ROCK1: variants seen among roughly 807,000 people sequenced by gnomAD.
The protein encoded by ROCK1 is Rho associated coiled-coil containing protein kinase 1.
ROCK1 carries 36 observed loss-of-function variants against 196.8 expected under a neutral mutation model. The observed-to-expected ratio is 0.18, with a 90% CI of 0.14 to 0.24. The LOEUF is 0.24. Ranked by LOEUF, ROCK1 falls within the 10% of genes least tolerant of loss-of-function variation. ROCK1 has a pLI of 1.00. For synonymous variants in ROCK1, 443 were observed against 515.9 expected, an observed-to-expected ratio of 0.86 and a Z score of 1.91; for missense variants, 920 against 1,562.0, an observed-to-expected ratio of 0.59 and a Z score of 6.93.
intron 9 of ROCK1, 85 bp from the exon 10 acceptor site, chr18:21,029,020 TTC>T: frequency 7.5e-7 from 1 of 1,328,706 alleles, no homozygotes; most frequent in Non-Finnish European, 1.0e-6. Context: ...TACTGATGGT[TTC>T]TCTCTTATAA....
chr18:21,100,398 CA>C (rs113274981), intron 1 of ROCK1, among the ~76,000 whole-genome samples: 213 of 122,962 alleles, frequency 1.7e-3, no homozygotes, highest in Admixed American at 1.8e-3. Flanking sequence ...CTTACTGCAG[CA>C]AAAAAAAAAA....
chr18:21,098,847 T>C (rs1271231683), intron 1 of ROCK1, among the ~76,000 whole-genome samples: 2 of 152,108 alleles, frequency 1.3e-5, no homozygotes, highest in African/African-American at 2.4e-5. Context: ...AATGTTAGAA[T>C]AGAAAAAATA....
chr18:21,043,598 A>T (rs904098459), intron 6 of ROCK1, among the ~76,000 whole-genome samples: 1 of 144,074 alleles, frequency 6.9e-6, no homozygotes, highest in Non-Finnish European at 1.5e-5. Context: ...ACATATACAT[A>T]ATATGTATAT....
chr18:21,065,254 A>C (rs2036324050), intron 2 of ROCK1, among the ~76,000 whole-genome samples: 1 of 152,196 alleles, frequency 6.6e-6, no homozygotes, highest in South Asian at 2.1e-4. Context: ...AAAGCAACCA[A>C]AAATTTACCA....
At chr18:21,003,465 T>A (rs1335597842) in intron 16 of ROCK1, among the ~76,000 whole-genome samples, 1 of 152,202 alleles carries the variant, frequency 6.6e-6, no homozygotes, top group African/African-American at 2.4e-5. Context: ...AACTGTCACC[T>A]ATTTTCTACC....
chr18:21,028,688 G>A, intron 10 of ROCK1, 88 bp downstream of exon 10: 1 of 1,138,404 alleles, frequency 8.8e-7, no homozygotes, highest in Non-Finnish European at 1.2e-6. Flanking sequence ...TCTTTATATA[G>A]CATTAAATCT....
In ROCK1 at chr18:20,956,164, T is replaced by C. The variant is rs2035239932; in HGVS notation, c.3513-919A>G. On this transcript the variant is annotated intron_variant, in intron 29 of 32. Transcript: ENST00000399799. ...ATTGGTCCCAGGACCCAGGAGGATT[T>C]TGAAGAGAGAGAGTGAAAGAGAAAG... is the stretch of plus-strand genomic sequence containing the variant. Among the ~76,000 whole-genome samples the C allele has an allele frequency of 3.3e-5, 5 of 151,740 alleles. No homozygotes were observed. The South Asian group carries it at 1.0e-3, about 32-fold the overall frequency.
chr18:20,973,202 A>C (rs1157439492), intron 22 of ROCK1, among the ~76,000 whole-genome samples: 1 of 151,696 alleles, frequency 6.6e-6, no homozygotes, highest in South Asian at 2.1e-4. Flanking sequence ...TTTAGAGGAG[A>C]TATCTAAATA....
intron 8 of ROCK1, among the ~76,000 whole-genome samples, chr18:21,040,307 T>C (rs1440855480): frequency 6.6e-6 from 1 of 152,166 alleles, no homozygotes; most frequent in Admixed American, 6.5e-5. Flanking sequence ...AGAAACACAT[T>C]TAAAATTTTG....
intron 22 of ROCK1, among the ~76,000 whole-genome samples, chr18:20,971,232 C>T (rs1305566574): frequency 6.6e-6 from 1 of 151,162 alleles, no homozygotes; most frequent in East Asian, 2.0e-4. Flanking sequence ...TAACTTCCAC[C>T]TCCTATTTTC....
intron 10 of ROCK1, among the ~76,000 whole-genome samples, chr18:21,024,973 T>C (rs1345299335): frequency 6.6e-6 from 1 of 152,252 alleles, no homozygotes; most frequent in Non-Finnish European, 1.5e-5. Flanking sequence ...GCAATGCCAG[T>C]GGCATCTAAA....
In ROCK1 at chr18:20,959,848, C is replaced by T. The variant is rs1250290154; in HGVS notation, c.3504G>A (p.Leu1168=). 1 of 1,592,654 alleles carries T rather than the reference C, an allele frequency of 6.3e-7. No individual in the cohort carries two copies. Among genetic ancestry groups the T allele is most frequent in the Non-Finnish European group, 8.6e-7 (1 of 1,168,224 alleles). The change falls in exon 29 of 33, where the codon TTG becomes TTA. Residue 1168 remains leucine (L), a synonymous_variant. Transcript: ENST00000399799. The part of the protein sequence containing the change: ...DKEQSNPSMV[L]DIDKLFHVRP... The stretch of plus-strand genomic sequence containing the variant: ...AATCAAAGGCAACTTACTCTATGTC[C>T]AATACCATAGATGGATTGGATTGCT...
chr18:21,090,821 A>G (rs2036563321), intron 1 of ROCK1, among the ~76,000 whole-genome samples: 1 of 152,190 alleles, frequency 6.6e-6, no homozygotes, highest in African/African-American at 2.4e-5. Context: ...ACAATGAGAT[A>G]CCTGTTCTCA....
intron 1 of ROCK1, among the ~76,000 whole-genome samples, chr18:21,099,052 T>C (rs2036635497): frequency 6.6e-6 from 1 of 152,198 alleles, no homozygotes. Flanking sequence ...TATATATGCA[T>C]GTGTCTTTAA....
Position 20,970,453 on chromosome 18 carries a change from C to T in ROCK1, c.2715G>A (p.Ala905=), listed in dbSNP as rs777005387. ...AATACTGTTCTTCCAGAAGGCCTCG[C>T]GCCAACTGCTCAGACTCAGCTTTTG... ...AETKAESEQL[A]RGLLEEQYFE... The change falls in exon 23 of 33, where the codon GCG becomes GCA. Residue 905 remains alanine (A), a synonymous_variant. Transcript: ENST00000399799. 29 of 1,613,708 alleles carry T rather than the reference C, an allele frequency of 1.8e-5. No homozygotes were observed. The highest frequency in any genetic ancestry group is 4.5e-5 in the East Asian group (2 of 44,870).
intron 27 of ROCK1, among the ~76,000 whole-genome samples, chr18:20,962,212 T>C (rs961820640): frequency 2.0e-5 from 3 of 152,190 alleles, no homozygotes; most frequent in Non-Finnish European, 2.9e-5. Flanking sequence ...TGATCACATA[T>C]TGATCATTCA....
chr18:21,007,035 T>C (rs183939662), intron 14 of ROCK1, among the ~76,000 whole-genome samples: 2 of 152,280 alleles, frequency 1.3e-5, no homozygotes, highest in East Asian at 3.9e-4. Context: ...AACTCCTTTA[T>C]TCCCTTTATA....
chr18:20,981,548 G>A (rs949129620), intron 21 of ROCK1, among the ~76,000 whole-genome samples: 3 of 152,134 alleles, frequency 2.0e-5, no homozygotes, highest in African/African-American at 7.2e-5. Context: ...CTCATATTGT[G>A]TTAGTTGCTG....
chr18:21,111,181 C>CACCAGCCTCGTCGCT lies in ROCK1; in HGVS notation c.-286_-272dup. 1.8e-6 allele frequency: 1 copy of CACCAGCCTCGTCGCT among 540,786 alleles called. No homozygotes were observed. The highest frequency in any genetic ancestry group is 3.2e-6 in the Non-Finnish European group (1 of 308,436). 33.5% of individuals were successfully genotyped at this position (540,786 alleles called of 1,614,324 possible). A position where few individuals can be genotyped will look rare whatever the true frequency, so the allele number is the denominator to read the frequency against. ...TCACGACAGCCGACAGCGCCGTCGC[C>CACCAGCCTCGTCGCT]ACCAGCCTCGTCGCTCCGGCGAGGT... On this transcript the variant is annotated 5_prime_UTR_variant, in exon 1 of 33. Transcript: ENST00000399799. The surrounding 1 kb of genome is among the most constrained non-coding windows in gnomAD (Gnocchi z 4.2).
Sources: allele counts gnomAD v4.1 joint callset (sites outside exome capture counted in the v4.1 genomes callset), GRCh38; gene constraint gnomAD v4.1.1; non-coding constraint Gnocchi (gnomAD v3.1); transcripts MANE v1.5; gene names NCBI Gene and HGNC (gene_info 2026-07-23, HGNC 2026-07-21).